USP34: variants seen among roughly 807,000 people sequenced by gnomAD.
USP34 encodes ubiquitin specific peptidase 34.
USP34 carries 70 observed loss-of-function variants against 460.3 expected under a neutral mutation model. The observed-to-expected ratio is 0.15, with a 90% CI of 0.13 to 0.19. The LOEUF is 0.19. Among genes scored for constraint, USP34 ranks in the 10% least tolerant of loss-of-function variants. USP34 has a pLI of 1.00. For missense variants in USP34, 3,985 were observed against 4,236.2 expected (o/e 0.94, Z 1.65); for synonymous variants, 1,647 against 1,405.3 (o/e 1.17, Z -3.85).
intron 10 of USP34, among the ~76,000 whole-genome samples, chr2:61,360,285 T>C (rs915895102): frequency 1.3e-5 from 2 of 152,048 alleles, no homozygotes; most frequent in Non-Finnish European, 2.9e-5. Context: ...CATATATATG[T>C]AGAAAAACCT....
At chr2:61,408,661 T>A (rs1465271099) in intron 2 of USP34, among the ~76,000 whole-genome samples, 1 of 151,894 alleles carries the variant, frequency 6.6e-6, no homozygotes, top group Non-Finnish European at 1.5e-5. Flanking sequence ...TTTGGGAGGC[T>A]GAGGCAAGCA....
At chr2:61,350,717 T>C (rs1316257281) in intron 10 of USP34, 24 bp from the exon 11 acceptor site, 20 of 1,600,012 alleles carry the variant, frequency 1.2e-5, no homozygotes, top group East Asian at 2.2e-5. Context: ...TTAGAGAGAA[T>C]GGTCAAAAAT....
intron 39 of USP34, 42 bp from the exon 40 acceptor site, chr2:61,278,485 T>C (rs748662885): frequency 7.1e-7 from 1 of 1,399,742 alleles, no homozygotes; most frequent in Non-Finnish European, 9.6e-7. Flanking sequence ...ATAAATTTTT[T>C]ATGTTTTACC....
In USP34 at chr2:61,405,987, A is replaced by T. The variant is rs1307032272; in HGVS notation, c.273T>A (p.Asp91Glu). ...LCKHCTTINIDSTWQDESNQA... is the reference protein window; with the variant it reads ...LCKHCTTINIESTWQDESNQA... ...GATTACTCTCATCTTGCCACGTGGA[A>T]TCTATGTTAATGGTAGTACAATGTT... Residue 91 changes from aspartate (D) to glutamate (E), a missense_variant, in exon 3 of 80, where the codon GAT (aspartate) becomes GAA (glutamate). Physicochemically the swap from Asp to Glu is conservative, Grantham distance 45. Transcript: ENST00000398571. 1 of 1,613,626 alleles carries T rather than the reference A, an allele frequency of 6.2e-7. No individual in the cohort carries two copies. Among genetic ancestry groups the T allele is most frequent in the African/African-American group, 1.3e-5 (1 of 74,878 alleles).
intron 1 of USP34, among the ~76,000 whole-genome samples, chr2:61,422,189 A>G (rs1330954175): frequency 6.6e-6 from 1 of 152,174 alleles, no homozygotes; most frequent in African/African-American, 2.4e-5. Flanking sequence ...CAACCACTAA[A>G]AACAACCTCT....
intron 2 of USP34, among the ~76,000 whole-genome samples, chr2:61,411,028 A>G (rs766921349): frequency 2.6e-5 from 4 of 152,150 alleles, no homozygotes; most frequent in South Asian, 2.1e-4. Flanking sequence ...TCACCCATGA[A>G]AACAAGTTTT....
intron 2 of USP34, among the ~76,000 whole-genome samples, chr2:61,412,488 T>A (rs1050643314): frequency 6.6e-6 from 1 of 152,054 alleles, no homozygotes. Flanking sequence ...ATATATATCA[T>A]TTACAGTTTA....
intron 57 of USP34, among the ~76,000 whole-genome samples, chr2:61,235,287 T>C (rs1281232979): frequency 6.6e-6 from 1 of 151,900 alleles, no homozygotes; most frequent in Non-Finnish European, 1.5e-5. Context: ...CTATACATAG[T>C]TTTCCTTCTG....
chr2:61,229,775 T>A, intron 58 of USP34, 142 bp from the exon 59 acceptor site: 1 of 629,952 alleles, frequency 1.6e-6, no homozygotes, highest in Non-Finnish European at 2.6e-6. Flanking sequence ...TTCTGGAGTC[T>A]CAACAATGGA....
intron 10 of USP34, among the ~76,000 whole-genome samples, chr2:61,357,044 A>C (rs1329322553): frequency 6.6e-6 from 1 of 152,222 alleles, no homozygotes; most frequent in Non-Finnish European, 1.5e-5. Context: ...AATAAAGAGA[A>C]TAATCATAAA....
intron 1 of USP34, among the ~76,000 whole-genome samples, chr2:61,426,637 C>T (rs1694519691): frequency 6.6e-6 from 1 of 152,234 alleles, no homozygotes; most frequent in Admixed American, 6.5e-5. Context: ...AGAGATCTTG[C>T]TGCCCTGAAG....
chr2:61,379,070 T>C (rs1692892495), intron 7 of USP34, among the ~76,000 whole-genome samples: 2 of 152,050 alleles, frequency 1.3e-5, no homozygotes, highest in Non-Finnish European at 2.9e-5. Context: ...AGACAAAGTT[T>C]CAGGAAAGAC....
intron 1 of USP34, among the ~76,000 whole-genome samples, chr2:61,445,070 G>A (rs1695070456): frequency 6.6e-6 from 1 of 151,596 alleles, no homozygotes; most frequent in Admixed American, 6.6e-5. Flanking sequence ...CTGCCAACTT[G>A]TAATTCATTA....
chr2:61,392,194 T>C (rs1206412689), intron 5 of USP34, among the ~76,000 whole-genome samples: 1 of 152,208 alleles, frequency 6.6e-6, no homozygotes, highest in African/African-American at 2.4e-5. Context: ...TAGCCAGGCG[T>C]GGTGACATGC....
rs557367765 is a variant in USP34, at chr2:61,350,783, T to C, written c.1252-90A>G. 3 of 1,397,998 alleles carry C rather than the reference T, an allele frequency of 2.1e-6. No individual in the cohort carries two copies. In the South Asian group the frequency reaches 4.6e-5, roughly 22 times the overall value. The allele number at this position is 1,397,998 out of a possible 1,614,324, so 86.6% of individuals were successfully genotyped here. On this transcript the variant is annotated intron_variant, in intron 10 of 79. Coordinates refer to ENST00000398571, the MANE Select transcript of USP34 (RefSeq NM_014709.4). ...TAAAAACAGTTTGAAAGTCAAAAAG[T>C]TGGCCAGTACACTAATATTTTTTAA...
intron 53 of USP34, among the ~76,000 whole-genome samples, chr2:61,240,994 T>G (rs1179359890): frequency 6.6e-6 from 1 of 152,096 alleles, no homozygotes; most frequent in Non-Finnish European, 1.5e-5. Context: ...AGCAAAACAT[T>G]ACTAACCTCA....
At chr2:61,300,531 C>G (rs1558517630) in intron 29 of USP34, among the ~76,000 whole-genome samples, 1 of 149,546 alleles carries the variant, frequency 6.7e-6, no homozygotes, top group Non-Finnish European at 1.5e-5. Context: ...GGCACGGTGG[C>G]TCATGCCTGT....
intron 1 of USP34, among the ~76,000 whole-genome samples, chr2:61,440,691 T>A (rs1421141551): frequency 6.6e-6 from 1 of 151,798 alleles, no homozygotes; most frequent in Non-Finnish European, 1.5e-5. Context: ...CTACTTTTTG[T>A]ATTTTTAGTA....
chr2:61,438,632 A>AT (rs922157025), intron 1 of USP34, among the ~76,000 whole-genome samples: 2 of 152,056 alleles, frequency 1.3e-5, no homozygotes, highest in African/African-American at 4.8e-5. Context: ...ACAAAAAAAA[A>AT]ACACTCTCAA....
Sources: gnomAD v4.1 joint callset for allele counts (sites outside exome capture counted in the v4.1 genomes callset) on GRCh38, gnomAD v4.1.1 for gene constraint, MANE v1.5 for transcripts, NCBI Gene and HGNC (gene_info 2026-07-23, HGNC 2026-07-21) for gene names.